The following AGBL1 variants were observed in gnomAD, a reference collection of about 807,000 sequenced individuals.
AGBL1 encodes the protein cytosolic carboxypeptidase 4.
A neutral mutation model predicts 118.9 loss-of-function variants in AGBL1; 130 were observed. The observed-to-expected ratio is 1.09, with a 90% CI of 0.95 to 1.26. The LOEUF is 1.26. Among genes scored for constraint, AGBL1 ranks in the 50% most tolerant of loss-of-function variants. The pLI is 0.00. For synonymous variants in AGBL1, 555 were observed against 478.9 expected (o/e 1.16, Z -2.08); for missense variants, 1,584 against 1,298.1 (o/e 1.22, Z -3.38).
At chr15:86,604,211 A>T (rs1468900927) in intron 21 of AGBL1, among the ~76,000 whole-genome samples, 1 of 152,174 alleles carries the variant, frequency 6.6e-6, no homozygotes, top group Non-Finnish European at 1.5e-5. Flanking sequence ...TAAAAATTAC[A>T]AAGTTGTAAT....
At chr15:86,938,161 G>C (rs927052117) in intron 23 of AGBL1, among the ~76,000 whole-genome samples, 4 of 152,152 alleles carry the variant, frequency 2.6e-5, no homozygotes, top group Non-Finnish European at 4.4e-5. Context: ...AGCTTCCCTT[G>C]CTTCTGTGGG....
chr15:86,862,838 A>T (rs565686782), intron 22 of AGBL1, among the ~76,000 whole-genome samples: 13 of 152,382 alleles, frequency 8.5e-5, no homozygotes, highest in African/African-American at 3.1e-4. Flanking sequence ...GAGGACATCT[A>T]TGAAATTATC....
Position 86,914,413 on chromosome 15 carries a change from C to G in AGBL1, c.*7119C>G, listed in dbSNP as rs2080393455. 1 of 152,032 alleles carries G rather than the reference C, an allele frequency of 6.6e-6. No homozygotes were observed. The highest frequency in any genetic ancestry group is 6.6e-5 in the Admixed American group (1 of 15,260). 9.4% of individuals were successfully genotyped at this position (152,032 alleles called of 1,614,324 possible). A position where few individuals can be genotyped will look rare whatever the true frequency, so the allele number is the denominator to read the frequency against. ...TTGCCATTTTAAAAATGAAGTGCACCCATACTTAAAGAGACACGTTTAGTA... is the reference window on the plus strand; with the variant it reads ...TTGCCATTTTAAAAATGAAGTGCACGCATACTTAAAGAGACACGTTTAGTA... On this transcript the variant is annotated 3_prime_UTR_variant, in exon 23 of 23. Transcript: ENST00000614907.
intron 22 of AGBL1, among the ~76,000 whole-genome samples, chr15:86,750,952 C>T (rs866330195): frequency 2.6e-5 from 4 of 152,074 alleles, no homozygotes; most frequent in East Asian, 1.9e-4. Context: ...CATCCATGTC[C>T]CTGTAAAGGA....
At chr15:86,246,358 C>A (rs1468616167) in intron 6 of AGBL1, among the ~76,000 whole-genome samples, 1 of 152,140 alleles carries the variant, frequency 6.6e-6, no homozygotes, top group East Asian at 1.9e-4. Context: ...TGCTGGGGAG[C>A]CTGGAGGTGG....
At chr15:86,879,092 G>A (rs2079854583) in intron 22 of AGBL1, among the ~76,000 whole-genome samples, 1 of 152,252 alleles carries the variant, frequency 6.6e-6, no homozygotes, top group Non-Finnish European at 1.5e-5. Flanking sequence ...TAGGGCTCGG[G>A]TCAGAGGTGT....
At position 86,264,707 on chromosome 15, in the gene AGBL1, T is replaced by A. The variant is rs1212186349; in HGVS notation, c.1536T>A (p.Tyr512Ter). The A allele has an allele frequency of 1.2e-6, 2 of 1,614,012 alleles. No homozygotes were observed. The highest frequency in any genetic ancestry group is 1.7e-6 in the Non-Finnish European group (2 of 1,179,890). The change falls in exon 11 of 23, where the codon TAT (tyrosine) becomes TAA (stop). Residue 512 changes from tyrosine (Y) to a stop codon, truncating the protein, a stop_gained. Coordinates refer to ENST00000614907, the MANE Select transcript of AGBL1 (RefSeq NM_001386094.1). LOFTEE classifies it high-confidence loss of function. ...HLKRVPFHDP[Y>*]LYMAKARRTS... Reference sequence around the variant, plus strand: ...AGCGTGTCCCTTTCCACGATCCCTATCTTTATATGGCCAAAGCCAGAAGAA... The same window carrying A: ...AGCGTGTCCCTTTCCACGATCCCTAACTTTATATGGCCAAAGCCAGAAGAA...
At chr15:86,481,008 A>G (rs767021130) in intron 18 of AGBL1, among the ~76,000 whole-genome samples, 1 of 151,994 alleles carries the variant, frequency 6.6e-6, no homozygotes, top group Non-Finnish European at 1.5e-5. Context: ...AAGGCTGGTG[A>G]CTATTTTCAA....
chr15:86,731,185 A>G (rs1185766194), intron 22 of AGBL1, among the ~76,000 whole-genome samples: 1 of 152,114 alleles, frequency 6.6e-6, no homozygotes, highest in East Asian at 1.9e-4. Flanking sequence ...TTATGTCCAA[A>G]CTATTGAATT....
intron 24 of AGBL1, among the ~76,000 whole-genome samples, chr15:87,009,179 A>G (rs2141777515): frequency 6.6e-6 from 1 of 152,058 alleles, no homozygotes; most frequent in East Asian, 1.9e-4. Context: ...GGAGGAAAAA[A>G]TGGTTTCATG....
At position 86,874,571 on chromosome 15, in the gene AGBL1, C is replaced by A. The variant is rs181969745; in HGVS notation, c.3159-32516C>A. 1.9e-4 allele frequency among the ~76,000 whole-genome samples: 29 copies of A among 152,242 alleles called. No homozygotes were observed. The East Asian group carries it at 5.6e-3, about 29-fold the overall frequency. ...GTGGGTACCTGAGCCCCTGCCACAG[C>A]ACCTGGGAAATAACAGCTGCTAGTT... On this transcript the variant is annotated intron_variant, in intron 22 of 22. Transcript: ENST00000614907.
chr15:86,751,925 T>G lies in AGBL1; in HGVS notation c.3158+77489T>G, dbSNP rs75076284. 6.5e-3 allele frequency among the ~76,000 whole-genome samples: 990 copies of G among 152,194 alleles called. 58 individuals carry two copies. In the East Asian group the frequency reaches 0.13, roughly 20 times the overall value. ...ACAGGTCCCAGAATTTTAGAGATGTTCATCTGTCATTAAAGGCTTCATATT... is the reference window on the plus strand; with the variant it reads ...ACAGGTCCCAGAATTTTAGAGATGTGCATCTGTCATTAAAGGCTTCATATT... On this transcript the variant is annotated intron_variant, in intron 22 of 22. Coordinates refer to ENST00000614907, the MANE Select transcript of AGBL1 (RefSeq NM_001386094.1).
chr15:86,725,532 A>T (rs1266515081), intron 22 of AGBL1, among the ~76,000 whole-genome samples: 2 of 152,242 alleles, frequency 1.3e-5, no homozygotes, highest in East Asian at 3.8e-4. Context: ...TTACCAATGT[A>T]GTATCAGCAG....
rs754991663 is a variant in AGBL1, at chr15:86,154,420, G to A, written c.263-10G>A. On this transcript the variant is annotated splice_polypyrimidine_tract_variant and intron_variant, in intron 3 of 22. Transcript: ENST00000614907. ...AAGTGCAACTAAGATAGATTGATTT[G>A]TGTTCTTAGATAAAAAGATTGGACG... is the stretch of plus-strand genomic sequence containing the variant. 2 of 1,610,408 alleles carry A rather than the reference G, an allele frequency of 1.2e-6. No individual in the cohort carries two copies. The highest frequency in any genetic ancestry group is 2.2e-5 in the South Asian group (2 of 90,230).
chr15:86,844,241 G>A (rs2079286948), intron 22 of AGBL1, among the ~76,000 whole-genome samples: 1 of 152,158 alleles, frequency 6.6e-6, no homozygotes, highest in Admixed American at 6.5e-5. Flanking sequence ...TACTAGCAGT[G>A]AAATTGTTGG....
At chr15:86,826,673 T>C (rs1485196576) in intron 22 of AGBL1, among the ~76,000 whole-genome samples, 2 of 152,066 alleles carry the variant, frequency 1.3e-5, no homozygotes, top group Non-Finnish European at 2.9e-5. Context: ...TGTTCTGGGG[T>C]CTACACTGAG....
At chr15:86,543,855 A>G (rs937420186) in intron 19 of AGBL1, among the ~76,000 whole-genome samples, 1 of 152,192 alleles carries the variant, frequency 6.6e-6, no homozygotes, top group African/African-American at 2.4e-5. Flanking sequence ...GTTACTGGGG[A>G]TATTATTTCC....
chr15:86,743,416 C>G (rs971037147), intron 22 of AGBL1, among the ~76,000 whole-genome samples: 5 of 152,114 alleles, frequency 3.3e-5, no homozygotes, highest in African/African-American at 1.2e-4. Flanking sequence ...TTCATCCTTA[C>G]AGCTTCTCAG....
At position 86,594,497 on chromosome 15, in the gene AGBL1, T is replaced by C. The variant is rs145752307; in HGVS notation, c.2994+39960T>C. 9.8e-4 allele frequency among the ~76,000 whole-genome samples: 149 copies of C among 152,326 alleles called. 2 individuals are homozygous for C. Among genetic ancestry groups the C allele is most frequent in the Admixed American group, 7.8e-3 (120 of 15,290 alleles). ...TGCTATAATTCATCTCTGAAATATT[T>C]ACTAGAATTCACCAGTGAAGCTGTC... On this transcript the variant is annotated intron_variant, in intron 21 of 22. Transcript: ENST00000614907.
Sources: gnomAD v4.1 joint callset for allele counts (sites outside exome capture counted in the v4.1 genomes callset) on GRCh38, gnomAD v4.1.1 for gene constraint, MANE v1.5 for transcripts, NCBI Gene and HGNC (gene_info 2026-07-23, HGNC 2026-07-21) for gene names.